OPA1: variants seen among roughly 807,000 people sequenced by gnomAD.
OPA1 encodes the protein OPA1 mitochondrial dynamin like GTPase.
In OPA1, 59 loss-of-function variants were observed where a neutral mutation model predicts 152.9. The ratio of observed to expected loss-of-function variants is 0.39; its 90% CI spans 0.31 to 0.48. The LOEUF (loss-of-function observed/expected upper bound fraction) is 0.48. OPA1 is among the 20% of genes least tolerant of loss of function. OPA1 has a pLI of 0.96. For missense variants in OPA1, 1,008 were observed against 1,216.8 expected, an observed-to-expected ratio of 0.83 and a Z score of 2.55; for synonymous variants, 400 against 389.9, an observed-to-expected ratio of 1.03 and a Z score of -0.31.
intron 27 of OPA1, 133 bp downstream of exon 27, chr3:193,665,129 A>G (rs1449715941): frequency 4.7e-6 from 3 of 636,580 alleles, no homozygotes; most frequent in African/African-American, 1.8e-5. Flanking sequence ...TGTAATTTAT[A>G]AAGAATAATC....
Position 193,617,886 on chromosome 3 carries a change from TCTAATAAA to T in OPA1, c.610+53_610+60del, listed in dbSNP as rs776241011. 3.1e-6 allele frequency: 4 copies of T among 1,298,594 alleles called. No individual in the cohort carries two copies. The Admixed American group carries it at 5.1e-5, about 16-fold the overall frequency. 80.4% of individuals were successfully genotyped at this position (1,298,594 alleles called of 1,614,324 possible). A position where few individuals can be genotyped will look rare whatever the true frequency, so the allele number is the denominator to read the frequency against. ...GACCTTAACATGCCTTTTAAATGCTTCTAATAAACTAGTTGCAAATAAAATTGCAGACC... is the reference window on the plus strand; with the variant it reads ...GACCTTAACATGCCTTTTAAATGCTTCTAGTTGCAAATAAAATTGCAGACC... On this transcript the variant is annotated intron_variant, in intron 5 of 30. Transcript: ENST00000361510.
chr3:193,693,627 G>A lies in OPA1; in HGVS notation c.*6-979G>A, dbSNP rs190527848. 4.0e-3 allele frequency among the ~76,000 whole-genome samples: 611 copies of A among 152,152 alleles called. 7 individuals carry two copies. The highest frequency in any genetic ancestry group is 0.014 in the African/African-American group (599 of 41,524). ...TGCACTCCAGCCTGGGCGACAGAGC[G>A]AGACTCTTGTCTCAAAAAAAAAGTG... On this transcript the variant is annotated intron_variant, in intron 30 of 30. Coordinates refer to ENST00000361510, the MANE Select transcript of OPA1 (RefSeq NM_130837.3).
At position 193,593,219 on chromosome 3, in the gene OPA1, G is replaced by A; in HGVS notation, c.-159G>A. 6.6e-6 allele frequency: 4 copies of A among 602,456 alleles called. No homozygotes were observed. The highest frequency in any genetic ancestry group is 3.1e-5 in the East Asian group (1 of 32,082). The allele number at this position is 602,456 out of a possible 1,614,324, so 37.3% of individuals were successfully genotyped here. A position where few individuals can be genotyped will look rare whatever the true frequency, so the allele number is the denominator to read the frequency against. ...TACGGGTGCCTGTCAGGCTCTTGCG[G>A]AAGTCCATGCGCCATTGGGAGGGCC... On this transcript the variant is annotated 5_prime_UTR_variant, in exon 1 of 31. Coordinates refer to ENST00000361510, the MANE Select transcript of OPA1 (RefSeq NM_130837.3).
At chr3:193,682,507 AG>A (rs1720314161) in intron 29 of OPA1, among the ~76,000 whole-genome samples, 4 of 152,246 alleles carry the variant, frequency 2.6e-5, no homozygotes, top group African/African-American at 9.6e-5. Flanking sequence ...TAATAGCTAG[AG>A]AGAAGTCAAT....
intron 1 of OPA1, among the ~76,000 whole-genome samples, chr3:193,605,110 T>C (rs139363073): frequency 1.3e-5 from 2 of 152,250 alleles, no homozygotes; most frequent in Non-Finnish European, 2.9e-5. Context: ...CCTTGTGGCA[T>C]TACACTCCAG....
intron 29 of OPA1, 55 bp downstream of exon 29, chr3:193,667,335 ATTTG>A (rs748651632): frequency 2.3e-6 from 2 of 887,524 alleles, no homozygotes; most frequent in Non-Finnish European, 3.9e-6. Flanking sequence ...TCCCATTTCC[ATTTG>A]TTTGTTGATC....
At chr3:193,675,646 G>A (rs1718843522) in intron 29 of OPA1, among the ~76,000 whole-genome samples, 1 of 152,134 alleles carries the variant, frequency 6.6e-6, no homozygotes, top group Admixed American at 6.5e-5. Context: ...TACTGCCAGT[G>A]TTGTTTAATT....
rs370528463 is a variant in OPA1, at chr3:193,643,284, G to T, written c.1306-89G>T. 6.0e-5 allele frequency: 64 copies of T among 1,073,782 alleles called. No individual in the cohort carries two copies. In the African/African-American group the frequency reaches 9.1e-4, roughly 15 times the overall value. 66.5% of individuals were successfully genotyped at this position (1,073,782 alleles called of 1,614,324 possible). A position where few individuals can be genotyped will look rare whatever the true frequency, so the allele number is the denominator to read the frequency against. ...GTCTTATCTGAATGGATGAGATATA[G>T]AATTTTTAGAATACATTTCACCAAA... On this transcript the variant is annotated intron_variant, in intron 13 of 30. Coordinates refer to ENST00000361510, the MANE Select transcript of OPA1 (RefSeq NM_130837.3).
chr3:193,638,403 G>C (rs558055532), intron 11 of OPA1, among the ~76,000 whole-genome samples: 8 of 152,162 alleles, frequency 5.3e-5, no homozygotes. Context: ...TGACAAAAGA[G>C]CAGAGAAATG....
At chr3:193,680,295 G>A (rs578007578) in intron 29 of OPA1, among the ~76,000 whole-genome samples, 1 of 152,236 alleles carries the variant, frequency 6.6e-6, no homozygotes, top group South Asian at 2.1e-4. Flanking sequence ...CCTTTTTAAA[G>A]CTTCAGCACT....
intron 7 of OPA1, among the ~76,000 whole-genome samples, chr3:193,630,996 T>C (rs1731990357): frequency 6.6e-6 from 1 of 152,236 alleles, no homozygotes; most frequent in South Asian, 2.1e-4. Flanking sequence ...ATGCATTCTC[T>C]GTGTTACGAG....
chr3:193,681,384 T>A (rs753810082), intron 29 of OPA1, among the ~76,000 whole-genome samples: 1 of 152,206 alleles, frequency 6.6e-6, no homozygotes, highest in African/African-American at 2.4e-5. Context: ...CAAAAGGAAT[T>A]TGAGGCAGCT....
chr3:193,666,254 T>C (rs1371447048), intron 27 of OPA1, 42 bp from the exon 28 acceptor site: 1 of 1,536,772 alleles, frequency 6.5e-7, no homozygotes, highest in Non-Finnish European at 9.0e-7. Context: ...TAGTTTTCAT[T>C]TTAACTTTGC....
chr3:193,609,186 G>A (rs920093000), intron 1 of OPA1, among the ~76,000 whole-genome samples: 2 of 152,126 alleles, frequency 1.3e-5, no homozygotes, highest in African/African-American at 2.4e-5. Context: ...TTTAATTGGA[G>A]CATTTAGCCC....
chr3:193,674,165 G>A (rs1718510575), intron 29 of OPA1, among the ~76,000 whole-genome samples: 1 of 152,208 alleles, frequency 6.6e-6, no homozygotes, highest in African/African-American at 2.4e-5. Context: ...AGTAGACAAT[G>A]CTTTTGGGGC....
intron 29 of OPA1, among the ~76,000 whole-genome samples, chr3:193,688,509 C>T (rs1403159330): frequency 2.8e-4 from 26 of 94,476 alleles, no homozygotes; most frequent in African/African-American, 9.7e-4. Context: ...GACAGAGTCT[C>T]GCTATGTCAC....
At chr3:193,613,420 TTA>T (rs1728547612) in intron 1 of OPA1, among the ~76,000 whole-genome samples, 1 of 152,208 alleles carries the variant, frequency 6.6e-6, no homozygotes, top group Non-Finnish European at 1.5e-5. Context: ...GAGTTAACAT[TTA>T]TATAGTTATG....
At chr3:193,646,198 G>C (rs1734579348) in intron 18 of OPA1, among the ~76,000 whole-genome samples, 1 of 152,168 alleles carries the variant, frequency 6.6e-6, no homozygotes, top group Admixed American at 6.5e-5. Context: ...ATATTGACAG[G>C]AGATAAGATA....
At position 193,614,779 on chromosome 3, in the gene OPA1, T is replaced by C. The variant is rs758056583; in HGVS notation, c.89T>C (p.Leu30Pro). ...TCTGGAATAAAAGGAAGTTTACCACTACAAAAACTACATCTGGTTTCACGA... is the reference window on the plus strand; with the variant it reads ...TCTGGAATAAAAGGAAGTTTACCACCACAAAAACTACATCTGGTTTCACGA... ...HSSGIKGSLPLQKLHLVSRSI... is the reference protein window; with the variant it reads ...HSSGIKGSLPPQKLHLVSRSI... The change falls in exon 2 of 31, where the codon CTA (leucine) becomes CCA (proline). Residue 30 changes from leucine (L) to proline (P), a missense_variant. This residue lies in a region of OPA1 where 408 missense variants were observed against 395.1 expected (regional missense o/e 1.03). Coordinates refer to ENST00000361510, the MANE Select transcript of OPA1 (RefSeq NM_130837.3). 2.5e-6 allele frequency: 4 copies of C among 1,613,972 alleles called. No individual in the cohort carries two copies. Among genetic ancestry groups the C allele is most frequent in the Admixed American group, 1.7e-5 (1 of 60,004 alleles).
Sources: gnomAD v4.1 joint callset for allele counts (sites outside exome capture counted in the v4.1 genomes callset) on GRCh38, gnomAD v4.1.1 for gene constraint, gnomAD v4.1.1 regional missense constraint, MANE v1.5 for transcripts, NCBI Gene and HGNC (gene_info 2026-07-23, HGNC 2026-07-21) for gene names.